ATP9A: variants seen among roughly 807,000 people sequenced by gnomAD.
ATP9A encodes probable phospholipid-transporting ATPase IIA.
A neutral mutation model predicts 144.1 loss-of-function variants in ATP9A; 52 were observed. The observed-to-expected ratio is 0.36, with a 90% CI of 0.29 to 0.45. ATP9A has a LOEUF of 0.45. Among genes scored for constraint, ATP9A ranks in the 20% least tolerant of loss-of-function variants. The probability of loss-of-function intolerance (pLI) is 1.00; values close to 1 mark genes in which losing one functional copy is unlikely to be tolerated. For synonymous variants in ATP9A, 582 were observed against 557.4 expected, an observed-to-expected ratio of 1.04 and a Z score of -0.62; for missense variants, 947 against 1,392.7, an observed-to-expected ratio of 0.68 and a Z score of 5.09.
At chr20:51,613,468 C>T (rs1430808408) in intron 23 of ATP9A, among the ~76,000 whole-genome samples, 2 of 152,226 alleles carry the variant, frequency 1.3e-5, no homozygotes, top group Non-Finnish European at 2.9e-5. Context: ...AGTTCAGGGA[C>T]TGGCTCAAGG....
At chr20:51,644,425 G>A (rs938077287) in intron 14 of ATP9A, among the ~76,000 whole-genome samples, 4 of 150,846 alleles carry the variant, frequency 2.7e-5, no homozygotes, top group African/African-American at 4.9e-5. Context: ...CACCACACCC[G>A]GCTAATTTTT....
At chr20:51,709,605 G>A (rs1436306568) in intron 4 of ATP9A, among the ~76,000 whole-genome samples, 3 of 152,158 alleles carry the variant, frequency 2.0e-5, no homozygotes, top group Non-Finnish European at 2.9e-5. Context: ...GTGTGCACCT[G>A]TAGTCCCAAC....
intron 13 of ATP9A, among the ~76,000 whole-genome samples, chr20:51,667,459 C>A (rs1347296979): frequency 6.6e-6 from 1 of 152,174 alleles, no homozygotes; most frequent in Non-Finnish European, 1.5e-5. Flanking sequence ...AATGAGCCCC[C>A]CAAGAAGGAG....
At chr20:51,641,113 C>T (rs543584770) in intron 14 of ATP9A, among the ~76,000 whole-genome samples, 51 of 152,146 alleles carry the variant, frequency 3.4e-4, no homozygotes, top group African/African-American at 1.2e-3. Context: ...AATCCCAGAA[C>T]TTTGGGAGGC....
At chr20:51,612,321 A>G (rs908859296) in intron 23 of ATP9A, among the ~76,000 whole-genome samples, 9 of 152,214 alleles carry the variant, frequency 5.9e-5, no homozygotes, top group Non-Finnish European at 8.8e-5. Flanking sequence ...ATGCCCAAAA[A>G]GGAAGATTGA....
intron 19 of ATP9A, among the ~76,000 whole-genome samples, chr20:51,621,131 G>C (rs890618778): frequency 1.4e-5 from 2 of 144,362 alleles, no homozygotes; most frequent in Non-Finnish European, 3.0e-5. Context: ...TGGGTGATAA[G>C]AGCAAGGCCC....
At chr20:51,683,902 C>A (rs2077511150) in intron 9 of ATP9A, among the ~76,000 whole-genome samples, 1 of 152,024 alleles carries the variant, frequency 6.6e-6, no homozygotes, top group South Asian at 2.1e-4. Flanking sequence ...CAAAAAAAGT[C>A]AGTGGATATT....
At chr20:51,722,814 T>C (rs1047967929) in intron 3 of ATP9A, among the ~76,000 whole-genome samples, 1 of 152,178 alleles carries the variant, frequency 6.6e-6, no homozygotes, top group Non-Finnish European at 1.5e-5. Flanking sequence ...AGAACTACCA[T>C]TGATCCACCA....
chr20:51,741,667 C>T (rs1182842005), intron 1 of ATP9A, among the ~76,000 whole-genome samples: 1 of 152,202 alleles, frequency 6.6e-6, no homozygotes, highest in East Asian at 1.9e-4. Flanking sequence ...CAGCCATTTT[C>T]ATACACACAT....
intron 9 of ATP9A, among the ~76,000 whole-genome samples, chr20:51,688,218 T>C (rs1360411673): frequency 1.3e-5 from 2 of 152,336 alleles, no homozygotes; most frequent in East Asian, 3.9e-4. Flanking sequence ...ACACATGGGC[T>C]GCATGCCGCT....
intron 1 of ATP9A, among the ~76,000 whole-genome samples, chr20:51,740,192 G>A (rs936937089): frequency 6.6e-6 from 1 of 151,842 alleles, no homozygotes; most frequent in Non-Finnish European, 1.5e-5. Context: ...GAGTAGCTGG[G>A]ACTACAGGCA....
intron 13 of ATP9A, among the ~76,000 whole-genome samples, chr20:51,661,526 C>CTTTTTTT (rs533280164): frequency 1.8e-5 from 2 of 108,760 alleles, no homozygotes; most frequent in African/African-American, 7.4e-5. Flanking sequence ...CCATGCCCAG[C>CTTTTTTT]TTTTTTTTTT....
At chr20:51,747,102 T>TTTG (rs2077811996) in intron 1 of ATP9A, among the ~76,000 whole-genome samples, 1 of 149,854 alleles carries the variant, frequency 6.7e-6, no homozygotes, top group Non-Finnish European at 1.5e-5. Flanking sequence ...TTTTTCGTTT[T>TTTG]TTTTTTTTTT....
At chr20:51,762,192 C>A (rs576103981) in intron 1 of ATP9A, among the ~76,000 whole-genome samples, 1 of 152,028 alleles carries the variant, frequency 6.6e-6, no homozygotes, top group African/African-American at 2.4e-5. Context: ...CGGTGAAGCC[C>A]CGTCTCTACC....
chr20:51,640,944 G>A (rs2122748834), intron 14 of ATP9A, among the ~76,000 whole-genome samples: 1 of 152,232 alleles, frequency 6.6e-6, no homozygotes, highest in South Asian at 2.1e-4. Context: ...TAAGCAATTG[G>A]CCAGCTGCTG....
In ATP9A at chr20:51,658,888, C is replaced by CGG. The variant is rs11477336; in HGVS notation, c.1294-1740_1294-1739dup. On this transcript the variant is annotated intron_variant, in intron 13 of 27. Transcript: ENST00000338821. ...ATATAATGAAAATTAAGACCACTGG[C>CGG]GGGGGGGGGGGGGGGAAGGCTCATT... Among the ~76,000 whole-genome samples the CGG allele has an allele frequency of 1.5e-4, 8 of 54,836 alleles. 1 individual carries two copies. Among genetic ancestry groups the CGG allele is most frequent in the South Asian group, 6.9e-4 (1 of 1,442 alleles). The allele number at this position is 54,836 out of a possible 152,430, so 36.0% of individuals were successfully genotyped here.
At chr20:51,637,621 T>A (rs1009234) in intron 15 of ATP9A, among the ~76,000 whole-genome samples, 122,396 of 151,868 alleles carry the variant, frequency 0.81, 49,683 homozygotes, top group Non-Finnish European at 0.86. Flanking sequence ...AGCTGAAAAT[T>A]CTCCGCCAGC....
chr20:51,677,538 C>T (rs1184744906), intron 9 of ATP9A, among the ~76,000 whole-genome samples: 4 of 152,142 alleles, frequency 2.6e-5, no homozygotes, highest in African/African-American at 7.2e-5. Flanking sequence ...CGTGGCTTGC[C>T]GTTTGTGCCT....
At chr20:51,741,035 T>TTAATTAATTAAAAATAAATTTTAAC (rs2077782918) in intron 1 of ATP9A, among the ~76,000 whole-genome samples, 2 of 94,494 alleles carry the variant, frequency 2.1e-5, no homozygotes, top group Non-Finnish European at 5.3e-5. Flanking sequence ...AAATTTTAAT[T>TTAATTAATTAAAAATAAATTTTAAC]TAATTAATTA....
Sources: allele counts gnomAD v4.1 joint callset (sites outside exome capture counted in the v4.1 genomes callset), GRCh38; gene constraint gnomAD v4.1.1; transcripts MANE v1.5; gene names NCBI Gene and HGNC (gene_info 2026-07-23, HGNC 2026-07-21).